Variants in PTPRJ observed in about 807,000 individuals in gnomAD.
The protein encoded by PTPRJ is receptor-type tyrosine-protein phosphatase eta.
PTPRJ carries 129 observed loss-of-function variants against 141.3 expected under a neutral mutation model. The ratio of observed to expected loss-of-function variants is 0.91; its 90% confidence interval spans 0.79 to 1.06. The LOEUF (loss-of-function observed/expected upper bound fraction) is 1.06. PTPRJ is among the 50% of genes least tolerant of loss of function. The pLI is 0.00. For synonymous variants in PTPRJ, 610 were observed against 640.5 expected, an observed-to-expected ratio of 0.95 and a Z score of 0.72; for missense variants, 1,601 against 1,679.7, an observed-to-expected ratio of 0.95 and a Z score of 0.82.
At chr11:48,113,079 C>T in intron 3 of PTPRJ, 96 bp downstream of exon 3, 1 of 1,063,564 alleles carries the variant, frequency 9.4e-7, no homozygotes, top group Non-Finnish European at 1.3e-6. Flanking sequence ...CTTTTAATTA[C>T]CTAAGAAAAT....
At chr11:48,067,792 G>C (rs1855124322) in intron 1 of PTPRJ, among the ~76,000 whole-genome samples, 1 of 152,170 alleles carries the variant, frequency 6.6e-6, no homozygotes, top group Non-Finnish European at 1.5e-5. Context: ...GATATTAGAA[G>C]GAATAGGAGA....
In PTPRJ at chr11:48,167,421, A is replaced by C; in HGVS notation, c.*59A>C. On this transcript the variant is annotated 3_prime_UTR_variant, in exon 25 of 25. Transcript: ENST00000418331. Reference sequence around the variant, plus strand: ...ACCGTCGCACCCACAGCGAAGGCACATGCCCCGATGTCGACATGTTTTTAT... The same window carrying C: ...ACCGTCGCACCCACAGCGAAGGCACCTGCCCCGATGTCGACATGTTTTTAT... 6.5e-7 allele frequency: 1 copy of C among 1,529,444 alleles called. No individual in the cohort carries two copies. 94.7% of individuals were successfully genotyped at this position (1,529,444 alleles called of 1,614,324 possible).
chr11:48,149,495 C>A lies in PTPRJ; in HGVS notation c.3041+7C>A, dbSNP rs1360468161. 3 of 1,475,300 alleles carry A rather than the reference C, an allele frequency of 2.0e-6. No individual in the cohort carries two copies. The highest frequency in any genetic ancestry group is 3.8e-5 in the Admixed American group (2 of 53,196). 91.4% of individuals were successfully genotyped at this position (1,475,300 alleles called of 1,614,324 possible). A position where few individuals can be genotyped will look rare whatever the true frequency, so the allele number is the denominator to read the frequency against. On this transcript the variant is annotated splice_region_variant and intron_variant, in intron 16 of 24. Coordinates refer to ENST00000418331, the MANE Select transcript of PTPRJ (RefSeq NM_002843.4). The stretch of plus-strand genomic sequence containing the variant: ...TGTCCTTTTCTCAAATTAAGTAAGT[C>A]TCTCAAATTATGAGCTTTATTTTAA...
At chr11:48,151,895 T>C (rs1198422466) in intron 18 of PTPRJ, among the ~76,000 whole-genome samples, 8 of 152,214 alleles carry the variant, frequency 5.3e-5, no homozygotes, top group Non-Finnish European at 1.0e-4. Flanking sequence ...TGAATAGTGC[T>C]GCAATAAACA....
chr11:48,128,570 A>G (rs1018826076), intron 7 of PTPRJ, among the ~76,000 whole-genome samples: 5 of 152,252 alleles, frequency 3.3e-5, no homozygotes, highest in East Asian at 1.9e-4. Flanking sequence ...AAAATAAAAC[A>G]GTAATGGTGC....
intron 6 of PTPRJ, among the ~76,000 whole-genome samples, chr11:48,127,576 T>C (rs1036287154): frequency 1.3e-5 from 2 of 152,168 alleles, no homozygotes; most frequent in Admixed American, 6.5e-5. Context: ...GCAGGTGCCA[T>C]TGGCCAGGTT....
At chr11:48,094,545 C>T (rs1336674866) in intron 1 of PTPRJ, among the ~76,000 whole-genome samples, 2 of 152,160 alleles carry the variant, frequency 1.3e-5, no homozygotes, top group Non-Finnish European at 2.9e-5. Context: ...GCTGGCCCAA[C>T]CTTTTGATTA....
intron 1 of PTPRJ, among the ~76,000 whole-genome samples, chr11:48,013,402 G>A (rs1017290520): frequency 6.6e-6 from 1 of 152,182 alleles, no homozygotes; most frequent in African/African-American, 2.4e-5. Context: ...AGCCAGTGCC[G>A]GTACTAGGTA....
In PTPRJ at chr11:48,125,013, C is replaced by T; in HGVS notation, c.920C>T (p.Pro307Leu). Residue 307 changes from proline to leucine, a missense_variant, in exon 6 of 25, where the codon CCT becomes CTT. Coordinates refer to ENST00000418331, the MANE Select transcript of PTPRJ (RefSeq NM_002843.4). ...AGCCGGGCAGGGAGCCCCACCGCCC[C>T]TGTGCATGATGAGTCCCTCGTGGGA... ...ERSRAGSPTA[P>L]VHDESLVGPV... 1.2e-6 allele frequency: 2 copies of T among 1,614,174 alleles called. No individual in the cohort carries two copies. Among genetic ancestry groups the T allele is most frequent in the Non-Finnish European group, 8.5e-7 (1 of 1,180,022 alleles).
At chr11:48,061,939 C>T (rs1025929730) in intron 1 of PTPRJ, among the ~76,000 whole-genome samples, 20 of 139,586 alleles carry the variant, frequency 1.4e-4, no homozygotes, top group East Asian at 4.5e-4. Flanking sequence ...TCTTTTGAGT[C>T]AGGATCTCAC....
chr11:48,000,163 T>G (rs1270375525), intron 1 of PTPRJ, among the ~76,000 whole-genome samples: 1 of 122,926 alleles, frequency 8.1e-6, no homozygotes, highest in African/African-American at 3.1e-5. Flanking sequence ...TTTTTTGAGA[T>G]AGGGTCGTGT....
intron 1 of PTPRJ, among the ~76,000 whole-genome samples, chr11:48,002,828 G>A (rs2134191854): frequency 6.6e-6 from 1 of 152,222 alleles, no homozygotes; most frequent in East Asian, 1.9e-4. Context: ...AGGCAGGCAG[G>A]CCTCAGTGTT....
At chr11:47,984,261 A>T (rs918959849) in intron 1 of PTPRJ, among the ~76,000 whole-genome samples, 18 of 152,264 alleles carry the variant, frequency 1.2e-4, no homozygotes, top group Admixed American at 8.5e-4. Context: ...TCCTAAAAGT[A>T]ATTTTTGCTT....
intron 11 of PTPRJ, among the ~76,000 whole-genome samples, chr11:48,141,056 AG>A (rs1479156597): frequency 2.0e-5 from 3 of 152,136 alleles, no homozygotes; most frequent in Non-Finnish European, 4.4e-5. Flanking sequence ...TAATGAGAAC[AG>A]GCTGGGCGTG....
chr11:48,155,778 C>T, intron 19 of PTPRJ, 23 bp from the exon 20 acceptor site: 1 of 1,540,826 alleles, frequency 6.5e-7, no homozygotes. Context: ...ATAATGGGGA[C>T]CTTTTTTCTT....
At chr11:48,124,360 C>G (rs1213834241) in intron 5 of PTPRJ, among the ~76,000 whole-genome samples, 1 of 152,172 alleles carries the variant, frequency 6.6e-6, no homozygotes, top group Non-Finnish European at 1.5e-5. Flanking sequence ...TGACAGAAAC[C>G]AGACTTTGGA....
Position 47,992,516 on chromosome 11 carries a change from C to T in PTPRJ, c.96+11508C>T, listed in dbSNP as rs537691287. On this transcript the variant is annotated intron_variant, in intron 1 of 24. Coordinates refer to ENST00000418331, the MANE Select transcript of PTPRJ (RefSeq NM_002843.4). Reference sequence around the variant, plus strand: ...TTACTCAGAGTTAGCTTATAAGAGGCGAATCAGTGGAGTCCTCCAGTTTGG... The same window carrying T: ...TTACTCAGAGTTAGCTTATAAGAGGTGAATCAGTGGAGTCCTCCAGTTTGG... Among the ~76,000 whole-genome samples, 224 of 152,172 alleles carry T rather than the reference C, an allele frequency of 1.5e-3. 1 individual carries two copies. Among genetic ancestry groups the T allele is most frequent in the Admixed American group, 1.4e-3 (22 of 15,272 alleles).
intron 1 of PTPRJ, among the ~76,000 whole-genome samples, chr11:48,088,198 T>C (rs1207821614): frequency 6.6e-6 from 1 of 152,188 alleles, no homozygotes; most frequent in Non-Finnish European, 1.5e-5. Flanking sequence ...GTCCCCTTCT[T>C]GGAGACCCAA....
At chr11:48,088,023 C>T (rs117564303) in intron 1 of PTPRJ, among the ~76,000 whole-genome samples, 2,807 of 152,292 alleles carry the variant, frequency 0.018, 36 homozygotes, top group Middle Eastern at 0.031. Flanking sequence ...CTCTCTTTAG[C>T]TGTTGAATGA....
Sources: allele counts gnomAD v4.1 joint callset (sites outside exome capture counted in the v4.1 genomes callset), GRCh38; gene constraint gnomAD v4.1.1; transcripts MANE v1.5; gene names NCBI Gene and HGNC (gene_info 2026-07-23, HGNC 2026-07-21).